Variants in ADARB1 observed in about 807,000 individuals in gnomAD.
ADARB1 encodes the protein double-stranded RNA-specific editase 1.
In ADARB1, 10 loss-of-function variants were observed where a neutral mutation model predicts 52.4. The ratio of observed to expected loss-of-function variants is 0.19; its 90% CI spans 0.12 to 0.32. The LOEUF (loss-of-function observed/expected upper bound fraction) is 0.32. ADARB1 is among the 10% of genes least tolerant of loss of function. The pLI, the probability that ADARB1 is intolerant of heterozygous loss-of-function variation, is 1.00. For missense variants in ADARB1, 643 were observed against 922.3 expected (o/e 0.70, Z 3.92); for synonymous variants, 349 against 371.1 (o/e 0.94, Z 0.68).
In ADARB1 at chr21:45,176,541, C is replaced by G; in HGVS notation, c.840C>G (p.Asn280Lys). ...DGQFFEGSGR[N>K]KKLAKARAAQ... ...AGTTCTTTGAAGGCTCGGGGAGAAACAAGAAGCTTGCCAAGGCCCGGGCTG... is the reference window on the plus strand; with the variant it reads ...AGTTCTTTGAAGGCTCGGGGAGAAAGAAGAAGCTTGCCAAGGCCCGGGCTG... Residue 280 changes from asparagine to lysine, a missense_variant, in exon 4 of 11, where the codon AAC (asparagine) becomes AAG (lysine). Transcript: ENST00000348831. This position sits in a 1 kb window ranked among gnomAD's most constrained non-coding sequence, Gnocchi z 5.8. 6.2e-7 allele frequency: 1 copy of G among 1,614,204 alleles called. No individual in the cohort carries two copies.
At chr21:45,123,762 C>T (rs369765273) in intron 1 of ADARB1, among the ~76,000 whole-genome samples, 21 of 152,062 alleles carry the variant, frequency 1.4e-4, no homozygotes, top group African/African-American at 4.8e-4. Flanking sequence ...CAGCATGCCT[C>T]GCTGAGTTTT....
intron 8 of ADARB1, among the ~76,000 whole-genome samples, chr21:45,191,546 A>G (rs2092281574): frequency 6.6e-6 from 1 of 152,150 alleles, no homozygotes; most frequent in Non-Finnish European, 1.5e-5. Context: ...TAATAATGGT[A>G]AATAATTAAT....
At chr21:45,180,101 G>A (rs539285333) in intron 4 of ADARB1, among the ~76,000 whole-genome samples, 1 of 152,368 alleles carries the variant, frequency 6.6e-6, no homozygotes, top group African/African-American at 2.4e-5. Context: ...CCCCACGCGG[G>A]TGGCGAAGGA....
intron 1 of ADARB1, among the ~76,000 whole-genome samples, chr21:45,112,438 C>T (rs1396737705): frequency 6.6e-6 from 1 of 151,982 alleles, no homozygotes; most frequent in Non-Finnish European, 1.5e-5. Flanking sequence ...CTCCTCATAA[C>T]CCTTCCCTCT....
At chr21:45,190,191 C>G (rs1049972799) in intron 8 of ADARB1, among the ~76,000 whole-genome samples, 3 of 151,998 alleles carry the variant, frequency 2.0e-5, no homozygotes, top group African/African-American at 7.3e-5. Flanking sequence ...AGACAGTGAC[C>G]TGTCTTCTTT....
chr21:45,134,584 G>T (rs1234595213), intron 2 of ADARB1: 1 of 370,090 alleles, frequency 2.7e-6, no homozygotes, highest in Non-Finnish European at 5.4e-6. Flanking sequence ...GCATATGCCT[G>T]ACAGAGGCGT....
chr21:45,096,682 A>G (rs2086776166), intron 1 of ADARB1, among the ~76,000 whole-genome samples: 1 of 152,192 alleles, frequency 6.6e-6, no homozygotes, highest in South Asian at 2.1e-4. Context: ...TGTCACCCAG[A>G]AGTGCTCCTG....
intron 1 of ADARB1, among the ~76,000 whole-genome samples, chr21:45,087,118 A>G (rs1287150375): frequency 6.6e-6 from 1 of 152,232 alleles, no homozygotes; most frequent in Non-Finnish European, 1.5e-5. Flanking sequence ...CAGAAGAGGA[A>G]GTCGGTGAAG....
chr21:45,100,283 A>G (rs1012958178), intron 1 of ADARB1, among the ~76,000 whole-genome samples: 3 of 152,192 alleles, frequency 2.0e-5, no homozygotes, highest in African/African-American at 7.2e-5. Context: ...AGTGGAGTAG[A>G]CAGGCTGGGC....
In ADARB1 at chr21:45,209,273, GCCT is replaced by G. The variant is rs1232673461; in HGVS notation, c.1747+4539_1747+4541del. Among the ~76,000 whole-genome samples, 3 of 152,030 alleles carry G rather than the reference GCCT, an allele frequency of 2.0e-5. No individual in the cohort carries two copies. In the East Asian group the frequency reaches 5.8e-4, roughly 29 times the overall value. On this transcript the variant is annotated intron_variant, in intron 9 of 10. Transcript: ENST00000348831. ...AAAGCCTTTCGTAATGAGTCACATA[GCCT>G]CATGATCAACAATTGTTTAGATGAA...
At chr21:45,093,483 C>T (rs1253043639) in intron 1 of ADARB1, among the ~76,000 whole-genome samples, 1 of 152,230 alleles carries the variant, frequency 6.6e-6, no homozygotes, top group Non-Finnish European at 1.5e-5. Flanking sequence ...CTCTGGGCCA[C>T]ACAGCTGCTG....
chr21:45,197,096 C>G (rs1305205960), intron 8 of ADARB1, among the ~76,000 whole-genome samples: 1 of 152,122 alleles, frequency 6.6e-6, no homozygotes, highest in African/African-American at 2.4e-5. Flanking sequence ...AAGAATCACT[C>G]AAACCCAGGA....
intron 1 of ADARB1, among the ~76,000 whole-genome samples, chr21:45,102,850 C>T (rs1247847667): frequency 6.6e-6 from 1 of 152,162 alleles, no homozygotes; most frequent in Non-Finnish European, 1.5e-5. Context: ...ACCCTTACCC[C>T]AAGGCAAGGG....
chr21:45,110,374 A>G (rs757816456), intron 1 of ADARB1, among the ~76,000 whole-genome samples: 14 of 152,226 alleles, frequency 9.2e-5, no homozygotes, highest in Non-Finnish European at 1.3e-4. Flanking sequence ...TGTGCCAAGT[A>G]ATGGCTGTGT....
chr21:45,145,036 CAGTGTGAT>C (rs909021558), intron 2 of ADARB1: 1 of 164,630 alleles, frequency 6.1e-6, no homozygotes, highest in African/African-American at 2.4e-5. Flanking sequence ...CAGGATTATA[CAGTGTGAT>C]AGTCAGGAAA....
Position 45,223,880 on chromosome 21 carries a change from A to G in ADARB1, c.*1683A>G, listed in dbSNP as rs138811176. On this transcript the variant is annotated 3_prime_UTR_variant, in exon 11 of 11. Transcript: ENST00000348831. ...CTGCTTAGGGCTCATTGTTGGGGAC[A>G]TGACCGGGTTCAGCGGCTAGAACAT... 134 of 985,494 alleles carry G rather than the reference A, an allele frequency of 1.4e-4. 1 individual carries two copies. The African/African-American group carries it at 2.1e-3, about 16-fold the overall frequency. The allele number at this position is 985,494 out of a possible 1,614,324, so 61.0% of individuals were successfully genotyped here.
chr21:45,130,065 G>A (rs2088835693), intron 2 of ADARB1, among the ~76,000 whole-genome samples: 1 of 152,104 alleles, frequency 6.6e-6, no homozygotes. Flanking sequence ...GCTTCTTCTA[G>A]CTTAATTAGT....
Position 45,142,398 on chromosome 21 carries a change from GTTATAC to G in ADARB1, c.-48+13829_-48+13834del. Among the ~76,000 whole-genome samples, 1 of 152,238 alleles carries G rather than the reference GTTATAC, an allele frequency of 6.6e-6. No homozygotes were observed. The highest frequency in any genetic ancestry group is 1.5e-5 in the Non-Finnish European group (1 of 68,038). ...GAGGAATGTTGCAAGTAGACTGAAA[GTTATAC>G]TTAGTCTGTTCTGTTTGAAACCATT... On this transcript the variant is annotated intron_variant, in intron 2 of 10. Coordinates refer to ENST00000348831, the MANE Select transcript of ADARB1 (RefSeq NM_001112.4). This position sits in a 1 kb window ranked among gnomAD's most constrained non-coding sequence, Gnocchi z 4.0.
intron 3 of ADARB1, among the ~76,000 whole-genome samples, chr21:45,173,134 T>C (rs1569114106): frequency 2.6e-5 from 4 of 152,190 alleles, no homozygotes; most frequent in Admixed American, 2.6e-4. Context: ...TCTGGAACTA[T>C]CCCCAAACTG....
Sources: allele counts gnomAD v4.1 joint callset (sites outside exome capture counted in the v4.1 genomes callset), GRCh38; gene constraint gnomAD v4.1.1; non-coding constraint Gnocchi (gnomAD v3.1); transcripts MANE v1.5; gene names NCBI Gene and HGNC (gene_info 2026-07-23, HGNC 2026-07-21).